Variants in SLC9A4 observed in about 807,000 individuals in gnomAD.
SLC9A4 encodes sodium/hydrogen exchanger 4.
In SLC9A4, 63 loss-of-function variants were observed where a neutral mutation model predicts 67.4. The observed-to-expected ratio is 0.93, with a 90% CI of 0.76 to 1.15. The LOEUF is 1.15. SLC9A4 is among the 50% of genes most tolerant of loss of function. The probability of loss-of-function intolerance (pLI) is 0.00; values close to 1 mark genes in which losing one functional copy is unlikely to be tolerated. For missense variants in SLC9A4, 1,089 were observed against 987.7 expected (o/e 1.10, Z -1.38); for synonymous variants, 393 against 367.2 (o/e 1.07, Z -0.80).
Position 102,502,770 on chromosome 2 carries a change from G to A in SLC9A4, c.721-678G>A, listed in dbSNP as rs1393464209. The stretch of plus-strand genomic sequence containing the variant: ...GAGCCTGCACTTGGGAGATGGCAGA[G>A]AATCTTCAGAGGAGCAGGCTGCATG... On this transcript the variant is annotated intron_variant, in intron 2 of 11. Transcript: ENST00000295269. 2.6e-5 allele frequency among the ~76,000 whole-genome samples: 4 copies of A among 152,264 alleles called. No homozygotes were observed. In the East Asian group the frequency reaches 7.7e-4, roughly 29 times the overall value.
At chr2:102,527,715 A>T (rs1170133341) in intron 11 of SLC9A4, among the ~76,000 whole-genome samples, 1 of 152,236 alleles carries the variant, frequency 6.6e-6, no homozygotes, top group Non-Finnish European at 1.5e-5. Flanking sequence ...TGTAAGAATG[A>T]TCTTTTCCTA....
At chr2:102,500,007 C>G (rs12995030) in intron 2 of SLC9A4, among the ~76,000 whole-genome samples, 107,785 of 152,154 alleles carry the variant, frequency 0.71, 38,914 homozygotes, top group Middle Eastern at 0.77. Flanking sequence ...GCTGTACTGG[C>G]TGGAATAGTG....
At chr2:102,509,489 C>G (rs1453251159) in intron 6 of SLC9A4, among the ~76,000 whole-genome samples, 1 of 152,202 alleles carries the variant, frequency 6.6e-6, no homozygotes, top group African/African-American at 2.4e-5. Flanking sequence ...ACATGGATAT[C>G]TTTGCAAGGT....
intron 9 of SLC9A4, among the ~76,000 whole-genome samples, 159 bp from the exon 10 acceptor site, chr2:102,524,865 G>A (rs540481488): frequency 4.7e-4 from 72 of 152,264 alleles, no homozygotes; most frequent in Admixed American, 2.0e-3. Flanking sequence ...TCTTCTTGGC[G>A]CTGAGGCTTG....
intron 9 of SLC9A4, among the ~76,000 whole-genome samples, chr2:102,523,812 C>G (rs1045452594): frequency 3.3e-5 from 5 of 152,170 alleles, no homozygotes; most frequent in African/African-American, 1.2e-4. Flanking sequence ...TCTGACTGTT[C>G]TCTCACCTCT....
In SLC9A4 at chr2:102,507,516, C is replaced by T. The variant is rs531701071; in HGVS notation, c.1199-563C>T. ...TGAGAAGCTCACTGAGAGTAAGAAG[C>T]GCCCACTCACCCCCCAACCCTTGCC... On this transcript the variant is annotated intron_variant, in intron 4 of 11. Transcript: ENST00000295269. Among the ~76,000 whole-genome samples, 31 of 152,176 alleles carry T rather than the reference C, an allele frequency of 2.0e-4. No homozygotes were observed. The South Asian group carries it at 3.3e-3, about 16-fold the overall frequency.
chr2:102,478,737 A>C (rs1036310417), intron 1 of SLC9A4, 102 bp from the exon 2 acceptor site: 68 of 1,147,572 alleles, frequency 5.9e-5, no homozygotes, highest in Non-Finnish European at 4.3e-5. Flanking sequence ...CTGAGATGCC[A>C]GTCAGCTTGT....
chr2:102,518,250 A>G (rs1685318178), intron 8 of SLC9A4, among the ~76,000 whole-genome samples: 1 of 152,178 alleles, frequency 6.6e-6, no homozygotes, highest in Non-Finnish European at 1.5e-5. Flanking sequence ...TGCTATATCA[A>G]GTGTAACTTT....
intron 2 of SLC9A4, among the ~76,000 whole-genome samples, chr2:102,483,656 T>G (rs1390065064): frequency 6.6e-6 from 1 of 151,756 alleles, no homozygotes; most frequent in Non-Finnish European, 1.5e-5. Flanking sequence ...AGAACACACA[T>G]ACGCTTAATG....
chr2:102,532,709 T>A lies in SLC9A4; in HGVS notation c.*21T>A, dbSNP rs377402468. 2 of 1,595,154 alleles carry A rather than the reference T, an allele frequency of 1.3e-6. No homozygotes were observed. Among genetic ancestry groups the A allele is most frequent in the Non-Finnish European group, 1.7e-6 (2 of 1,168,970 alleles). On this transcript the variant is annotated 3_prime_UTR_variant, in exon 12 of 12. Transcript: ENST00000295269. ...AATAGTGTTATTGTCCACAAGATTG[T>A]TTTGGTGTTTCTCAAGAGTCTGTCT...
At chr2:102,530,206 G>A (rs1674750805) in intron 11 of SLC9A4, among the ~76,000 whole-genome samples, 1 of 152,176 alleles carries the variant, frequency 6.6e-6, no homozygotes, top group South Asian at 2.1e-4. Flanking sequence ...TTCATCCTCT[G>A]TGTGTTGGGG....
rs374571427 is a variant in SLC9A4, at chr2:102,503,704, T to A, written c.977T>A (p.Leu326Gln). The change falls in exon 3 of 12, where the codon CTG becomes CAG. Residue 326 changes from leucine (L) to glutamine (Q), a missense_variant. Leu to Gln is a moderately radical substitution (Grantham distance 113, BLOSUM62 -2). Transcript: ENST00000295269. ...AAETLYLSGI[L>Q]AITACAVTMK... ...GAAACCCTCTATCTCTCCGGCATCC[T>A]GGCGTGAGTACAAACCAAGGATCAA... 1.2e-6 allele frequency: 2 copies of A among 1,614,050 alleles called. No individual in the cohort carries two copies. The highest frequency in any genetic ancestry group is 1.7e-6 in the Non-Finnish European group (2 of 1,179,910).
chr2:102,511,692 G>A (rs1045149175), intron 6 of SLC9A4, among the ~76,000 whole-genome samples: 3 of 151,802 alleles, frequency 2.0e-5, no homozygotes, highest in Admixed American at 1.3e-4. Flanking sequence ...CAGATCAAAC[G>A]AGCATATTAA....
Position 102,532,448 on chromosome 2 carries a change from A to G in SLC9A4, c.2157A>G (p.Gly719=). Residue 719 remains glycine (G), a synonymous_variant, in exon 12 of 12, where the codon GGA becomes GGG. Coordinates refer to ENST00000295269, the MANE Select transcript of SLC9A4 (RefSeq NM_001011552.4). ...EIIPMKSLHR[G]RKAFSFGYQR... is the part of the protein sequence containing the mutation. ...TACCAATGAAGAGCCTACACAGAGG[A>G]AGGAAGGCATTCAGCTTTGGTTATC... is the stretch of plus-strand genomic sequence containing the variant. 3 of 1,614,200 alleles carry G rather than the reference A, an allele frequency of 1.9e-6. No homozygotes were observed. The highest frequency in any genetic ancestry group is 2.5e-6 in the Non-Finnish European group (3 of 1,180,030).
intron 9 of SLC9A4, 66 bp downstream of exon 9, chr2:102,520,021 C>A: frequency 1.5e-6 from 2 of 1,373,080 alleles, no homozygotes; most frequent in South Asian, 1.2e-5. Flanking sequence ...AAGGGGGAGT[C>A]TGTTGATGTT....
chr2:102,494,374 T>C (rs1260322140), intron 2 of SLC9A4, among the ~76,000 whole-genome samples: 1 of 149,184 alleles, frequency 6.7e-6, no homozygotes, highest in East Asian at 1.9e-4. Context: ...TAAAATAGAA[T>C]TCTAACAAGT....
At chr2:102,497,119 G>A (rs938002529) in intron 2 of SLC9A4, among the ~76,000 whole-genome samples, 3 of 152,162 alleles carry the variant, frequency 2.0e-5, no homozygotes, top group Non-Finnish European at 4.4e-5. Flanking sequence ...TTTTAGTAGA[G>A]ACAGGGTTTC....
In SLC9A4 at chr2:102,533,871, A is replaced by C. The variant is rs1024037802; in HGVS notation, c.*1183A>C. ...GTATTCCATGGTGTATATGTGCCAC[A>C]TTTTCTTAATCCAGTCTATCATTGT... On this transcript the variant is annotated 3_prime_UTR_variant, in exon 12 of 12. Transcript: ENST00000295269. 4 of 150,778 alleles carry C rather than the reference A, an allele frequency of 2.7e-5. No individual in the cohort carries two copies. The highest frequency in any genetic ancestry group is 9.8e-5 in the African/African-American group (4 of 40,942). 9.3% of individuals were successfully genotyped at this position (150,778 alleles called of 1,614,324 possible).
intron 2 of SLC9A4, among the ~76,000 whole-genome samples, chr2:102,486,245 C>T (rs1264415563): frequency 1.3e-5 from 2 of 152,292 alleles, no homozygotes; most frequent in African/African-American, 4.8e-5. Flanking sequence ...CCTCAGTTTC[C>T]TTTCTGTAAT....
Sources: allele counts gnomAD v4.1 joint callset (sites outside exome capture counted in the v4.1 genomes callset), GRCh38; gene constraint gnomAD v4.1.1; transcripts MANE v1.5; gene names NCBI Gene and HGNC (gene_info 2026-07-23, HGNC 2026-07-21).